Variants in SEM1 observed in about 807,000 individuals in gnomAD.
SEM1 encodes the protein SEM1 26S proteasome subunit.
SEM1 carries 3 observed loss-of-function variants against 12.7 expected under a neutral mutation model. The ratio of observed to expected loss-of-function variants is 0.24; its 90% CI spans 0.11 to 0.61. The LOEUF is 0.61. SEM1 is among the 20% of genes least tolerant of loss of function. The probability of loss-of-function intolerance (pLI) is 0.88; values close to 1 mark genes in which losing one functional copy is unlikely to be tolerated. For synonymous variants in SEM1, 30 were observed against 27.8 expected (o/e 1.08, Z -0.25); for missense variants, 59 against 81.3 (o/e 0.73, Z 1.06).
chr7:96,536,684 A>C (rs1804796585), intron 2 of SEM1, among the ~76,000 whole-genome samples: 1 of 151,794 alleles, frequency 6.6e-6, no homozygotes. Context: ...TTTGTCCCTC[A>C]TGATCTTCTT....
In SEM1 at chr7:96,598,195, G is replaced by A. The variant is rs1356168147; in HGVS notation, c.171-91497C>T. ...TTAAATTGTTATCTACCTGCACCCT[G>A]AATTTTAAAACTCAAAAAAAGATAA... On this transcript the variant is annotated intron_variant and NMD_transcript_variant, in intron 2 of 3. Coordinates refer to the SEM1 transcript ENST00000466986. 2.6e-5 allele frequency among the ~76,000 whole-genome samples: 4 copies of A among 152,128 alleles called. No individual in the cohort carries two copies. The East Asian group carries it at 7.7e-4, about 29-fold the overall frequency.
At chr7:96,627,474 C>T (rs775948163) in intron 2 of SEM1, among the ~76,000 whole-genome samples, 2 of 151,932 alleles carry the variant, frequency 1.3e-5, no homozygotes, top group Non-Finnish European at 2.9e-5. Flanking sequence ...TTTCCTTTAT[C>T]ATTTGTTTCA....
chr7:96,602,003 G>A (rs1465909160), intron 2 of SEM1, among the ~76,000 whole-genome samples: 2 of 152,200 alleles, frequency 1.3e-5, no homozygotes, highest in Non-Finnish European at 2.9e-5. Context: ...TGCCATCAGG[G>A]AGATGGGGAG....
At chr7:96,684,920 A>C (rs557471797), downstream of SEM1, among the ~76,000 whole-genome samples, 18 of 152,060 alleles carry the variant, frequency 1.2e-4, no homozygotes, top group Non-Finnish European at 2.6e-4. Flanking sequence ...CAAGAAGTAA[A>C]CTCAGGACAC....
downstream of SEM1, among the ~76,000 whole-genome samples, chr7:96,618,790 A>G (rs1007120075): frequency 6.6e-6 from 1 of 152,172 alleles, no homozygotes; most frequent in African/African-American, 2.4e-5. Flanking sequence ...CTCTACAAAA[A>G]AATTTAAAAA....
intron 2 of SEM1, among the ~76,000 whole-genome samples, chr7:96,561,605 C>G (rs1172836265): frequency 2.0e-5 from 3 of 152,168 alleles, no homozygotes; most frequent in Admixed American, 1.3e-4. Flanking sequence ...TTTCAGCTGA[C>G]CTAAATAATA....
chr7:96,519,967 G>A (rs916903312), intron 2 of SEM1, among the ~76,000 whole-genome samples: 2 of 152,020 alleles, frequency 1.3e-5, no homozygotes, highest in Non-Finnish European at 2.9e-5. Context: ...TTAGAAATTC[G>A]GCTCTTATCT....
chr7:96,622,437 CAGG>C, downstream of SEM1: 2 of 542,120 alleles, frequency 3.7e-6, no homozygotes, highest in East Asian at 2.8e-5. Flanking sequence ...GTAGTCGATT[CAGG>C]AGAAGTCAAG....
At chr7:96,593,667 T>C (rs1276292517) in intron 2 of SEM1, among the ~76,000 whole-genome samples, 1 of 152,242 alleles carries the variant, frequency 6.6e-6, no homozygotes, top group Non-Finnish European at 1.5e-5. Context: ...CAGATAATTA[T>C]TTTATTGGCA....
intron 2 of SEM1, among the ~76,000 whole-genome samples, chr7:96,515,640 TG>T (rs1264775072): frequency 6.6e-6 from 1 of 152,160 alleles, no homozygotes; most frequent in Non-Finnish European, 1.5e-5. Flanking sequence ...TGTCCATCAA[TG>T]ATAGACTGGA....
chr7:96,492,598 T>C (rs1347708386), intron 1 of SEM1, among the ~76,000 whole-genome samples: 1 of 142,496 alleles, frequency 7.0e-6, no homozygotes, highest in East Asian at 2.0e-4. Flanking sequence ...TTTTTTTTTT[T>C]TTTTTTTTTT....
chr7:96,617,296 CTT>C (rs1312703580), intron 2 of SEM1, among the ~76,000 whole-genome samples: 2 of 151,898 alleles, frequency 1.3e-5, no homozygotes, highest in African/African-American at 4.8e-5. Flanking sequence ...GGTATTTCCT[CTT>C]TTTTTAGCTG....
chr7:96,583,697 T>G lies in SEM1; in HGVS notation c.171-76999A>C, dbSNP rs564235657. Among the ~76,000 whole-genome samples the G allele has an allele frequency of 3.2e-4, 48 of 150,694 alleles. 1 individual carries two copies. The highest frequency in any genetic ancestry group is 5.4e-4 in the Non-Finnish European group (37 of 67,978). On this transcript the variant is annotated intron_variant and NMD_transcript_variant, in intron 2 of 3. Transcript: ENST00000466986. ...TATATTTAGGATGGTTAGCTCTTCT[T>G]GTTGAATTGATCCCTTTACCATTAT...
chr7:96,526,861 CTTA>C (rs1402820269), intron 2 of SEM1, among the ~76,000 whole-genome samples: 2 of 151,604 alleles, frequency 1.3e-5, no homozygotes, highest in Non-Finnish European at 2.9e-5. Flanking sequence ...CCTCCTCCTC[CTTA>C]AAAAAAAAAG....
upstream of SEM1, among the ~76,000 whole-genome samples, chr7:96,498,336 C>A (rs1803371986): frequency 6.6e-6 from 1 of 151,138 alleles, no homozygotes; most frequent in Non-Finnish European, 1.5e-5. Flanking sequence ...CTAAAAATTA[C>A]ACGTCGTTTT....
chr7:96,516,005 C>T (rs931780830), intron 2 of SEM1, among the ~76,000 whole-genome samples: 3 of 151,682 alleles, frequency 2.0e-5, no homozygotes, highest in Non-Finnish European at 2.9e-5. Context: ...TGCACATGTA[C>T]CCTAGAACTT....
chr7:96,656,929 T>C (rs916823249), intron 2 of SEM1, among the ~76,000 whole-genome samples: 10 of 151,790 alleles, frequency 6.6e-5, no homozygotes, highest in Admixed American at 5.9e-4. Flanking sequence ...ATAAGTTGGG[T>C]CAATTTATAC....
At chr7:96,571,546 C>T (rs1381091456) in intron 2 of SEM1, among the ~76,000 whole-genome samples, 2 of 150,750 alleles carry the variant, frequency 1.3e-5, no homozygotes, top group Non-Finnish European at 3.0e-5. Flanking sequence ...GGCATCTGTT[C>T]TGTGTGTGTG....
At chr7:96,622,558 CT>C, downstream of SEM1, 1 of 760,194 alleles carries the variant, frequency 1.3e-6, no homozygotes, top group African/African-American at 1.7e-5. Flanking sequence ...TGCCTTCTTT[CT>C]TATTAGCTGC....
Sources: gnomAD v4.1 joint callset for allele counts (sites outside exome capture counted in the v4.1 genomes callset) on GRCh38, gnomAD v4.1.1 for gene constraint, MANE v1.5 for transcripts, NCBI Gene and HGNC (gene_info 2026-07-23, HGNC 2026-07-21) for gene names.